The following CRACR2A variants were observed in gnomAD, a reference collection of about 807,000 sequenced individuals.
CRACR2A encodes the protein calcium release activated channel regulator 2A.
A neutral mutation model predicts 90.5 loss-of-function variants in CRACR2A; 79 were observed. The observed-to-expected ratio is 0.87, with a 90% CI of 0.73 to 1.05. The LOEUF (loss-of-function observed/expected upper bound fraction) is 1.05, where lower values mean the gene tolerates loss of function less well. Ranked by LOEUF, CRACR2A falls within the 50% of genes least tolerant of loss-of-function variation. The pLI, the probability that CRACR2A is intolerant of heterozygous loss-of-function variation, is 0.00. For missense variants in CRACR2A, 823 were observed against 897.2 expected, an observed-to-expected ratio of 0.92 and a Z score of 1.06; for synonymous variants, 338 against 356.7, an observed-to-expected ratio of 0.95 and a Z score of 0.59.
chr12:3,678,874 C>T, intron 6 of CRACR2A, 41 bp downstream of exon 6: 2 of 1,561,662 alleles, frequency 1.3e-6, no homozygotes, highest in African/African-American at 1.4e-5. Context: ...GAGGTTCCTA[C>T]CAGGCTGGTC....
At chr12:3,639,779 A>T (rs566786894) in intron 13 of CRACR2A, among the ~76,000 whole-genome samples, 2 of 152,330 alleles carry the variant, frequency 1.3e-5, no homozygotes, top group East Asian at 1.9e-4. Context: ...TGATATGAAA[A>T]ATAAAGGATT....
At chr12:3,708,656 A>T (rs1393480387) in intron 3 of CRACR2A, among the ~76,000 whole-genome samples, 1 of 151,980 alleles carries the variant, frequency 6.6e-6, no homozygotes, top group Non-Finnish European at 1.5e-5. Flanking sequence ...CGTTCTCCTG[A>T]CCTCGTGATC....
At chr12:3,673,896 G>C (rs751772841) in intron 6 of CRACR2A, among the ~76,000 whole-genome samples, 1 of 152,194 alleles carries the variant, frequency 6.6e-6, no homozygotes, top group African/African-American at 2.4e-5. Context: ...ATGGAGTCAG[G>C]GGTCCAGCTC....
rs183087277 is a variant in CRACR2A at position 3,736,426 on chromosome 12, C to G, written c.-386-3216G>C. Among the ~76,000 whole-genome samples, 238 of 152,026 alleles carry G rather than the reference C, an allele frequency of 1.6e-3. 6 individuals are homozygous for G. Among genetic ancestry groups the G allele is most frequent in the Admixed American group, 0.013 (193 of 15,258 alleles). On this transcript the variant is annotated intron_variant, in intron 1 of 19. Coordinates refer to ENST00000440314, the MANE Select transcript of CRACR2A (RefSeq NM_001144958.2). Reference sequence around the variant, plus strand: ...AGTTTGGCAAGGAAGAGAATTAGTTCCACTTGGAAATGTTAAGCTTGAGGC... The same window carrying G: ...AGTTTGGCAAGGAAGAGAATTAGTTGCACTTGGAAATGTTAAGCTTGAGGC...
chr12:3,638,130 C>CG lies in CRACR2A; in HGVS notation c.1595_1596insC (p.Cys533ValfsTer2). On this transcript the variant is annotated frameshift_variant, in exon 14 of 20. Coordinates refer to ENST00000440314, the MANE Select transcript of CRACR2A (RefSeq NM_001144958.2). LOFTEE classifies it high-confidence loss of function. ...AGGTAGGCTGTGCCCTTACCTTACACAGGGCTTCTTTTCCAACAGGCTGCC... is the reference window on the plus strand; with the variant it reads ...AGGTAGGCTGTGCCCTTACCTTACACGAGGGCTTCTTTTCCAACAGGCTGCC... The CG allele has an allele frequency of 1.3e-6, 2 of 1,543,556 alleles. No individual in the cohort carries two copies. Among genetic ancestry groups the CG allele is most frequent in the Non-Finnish European group, 1.8e-6 (2 of 1,140,974 alleles).
At chr12:3,709,504 G>A (rs7316397) in intron 3 of CRACR2A, among the ~76,000 whole-genome samples, 40,051 of 152,074 alleles carry the variant, frequency 0.26, 5,321 homozygotes, top group Middle Eastern at 0.32. Context: ...CTGGCTGGGC[G>A]CAGTGGCTCA....
At chr12:3,700,318 T>A (rs1385641735) in intron 3 of CRACR2A, among the ~76,000 whole-genome samples, 1 of 152,208 alleles carries the variant, frequency 6.6e-6, no homozygotes, top group African/African-American at 2.4e-5. Context: ...GTTCAAGCTC[T>A]GTTCCTGAGA....
Position 3,620,997 on chromosome 12 carries a change from C to T in CRACR2A, c.1933-1625G>A, listed in dbSNP as rs970409362. Among the ~76,000 whole-genome samples, 4 of 152,198 alleles carry T rather than the reference C, an allele frequency of 2.6e-5. 1 individual carries two copies. In the South Asian group the frequency reaches 8.3e-4, roughly 31 times the overall value. On this transcript the variant is annotated intron_variant, in intron 17 of 19. Transcript: ENST00000440314. ...ACCCCCTCCTCTGACCGTGCTGTGCCACGGGATACTTGTGCGAAGAGCTTT... is the reference window on the plus strand; with the variant it reads ...ACCCCCTCCTCTGACCGTGCTGTGCTACGGGATACTTGTGCGAAGAGCTTT...
chr12:3,696,655 C>T, intron 4 of CRACR2A, 117 bp downstream of exon 4: 1 of 1,434,618 alleles, frequency 7.0e-7, no homozygotes, highest in Non-Finnish European at 9.5e-7. Context: ...CCTTCCAAGA[C>T]AGAACTGGTG....
At chr12:3,640,825 T>C (rs755330226) in intron 13 of CRACR2A, 24 of 1,303,174 alleles carry the variant, frequency 1.8e-5, no homozygotes, top group African/African-American at 3.0e-5. Flanking sequence ...GGCAGGGGAC[T>C]GGTTTGTCTC....
chr12:3,716,012 C>T (rs986164544), intron 2 of CRACR2A, among the ~76,000 whole-genome samples: 3 of 151,518 alleles, frequency 2.0e-5, no homozygotes, highest in East Asian at 1.9e-4. Context: ...GAAGAAGGAG[C>T]GGGAGCATCA....
intron 3 of CRACR2A, among the ~76,000 whole-genome samples, chr12:3,702,685 G>A (rs4284480): frequency 0.017 from 2,640 of 152,254 alleles, 86 homozygotes; most frequent in African/African-American, 0.059. Flanking sequence ...GGGATCGAGA[G>A]ACTCAATATT....
intron 3 of CRACR2A, among the ~76,000 whole-genome samples, chr12:3,708,299 A>T (rs1264559485): frequency 6.6e-6 from 1 of 152,160 alleles, no homozygotes; most frequent in Non-Finnish European, 1.5e-5. Context: ...TGTGATTTAC[A>T]CTTTAGAACA....
chr12:3,647,004 T>C (rs995755844), intron 11 of CRACR2A, among the ~76,000 whole-genome samples: 1 of 152,168 alleles, frequency 6.6e-6, no homozygotes, highest in Non-Finnish European at 1.5e-5. Flanking sequence ...CACAAGCTAA[T>C]GAGAGGAAGT....
chr12:3,744,418 C>G (rs1241835233), intron 1 of CRACR2A, among the ~76,000 whole-genome samples: 1 of 152,194 alleles, frequency 6.6e-6, no homozygotes. Flanking sequence ...GACAGGGAAG[C>G]TGTGCTTGAC....
intron 13 of CRACR2A, among the ~76,000 whole-genome samples, chr12:3,640,969 G>A (rs1268927873): frequency 6.6e-6 from 1 of 152,224 alleles, no homozygotes; most frequent in Non-Finnish European, 1.5e-5. Flanking sequence ...CCCTAGCCTT[G>A]TCTGTAAAAG....
At chr12:3,666,364 T>TGTGTGTGTGTGTGTGTGCGCGC (rs765943563) in intron 7 of CRACR2A, among the ~76,000 whole-genome samples, 3 of 149,498 alleles carry the variant, frequency 2.0e-5, no homozygotes, top group African/African-American at 7.5e-5. Context: ...TGCGTGCGTG[T>TGTGTGTGTGTGTGTGTGCGCGC]GCGCGTGCGC....
At position 3,640,684 on chromosome 12, in the gene CRACR2A, G is replaced by A. The variant is rs771022466; in HGVS notation, c.1271+1048C>T. 2.1e-5 allele frequency: 28 copies of A among 1,305,220 alleles called. 1 individual carries two copies. In the Middle Eastern group the frequency reaches 3.6e-3, roughly 168 times the overall value. 80.9% of individuals were successfully genotyped at this position (1,305,220 alleles called of 1,614,324 possible). Reference sequence around the variant, plus strand: ...GATTTACATCTCCAGAGTCACTTCCGCTTTGCATATCTTTTTCATTTCATG... The same window carrying A: ...GATTTACATCTCCAGAGTCACTTCCACTTTGCATATCTTTTTCATTTCATG... On this transcript the variant is annotated intron_variant, in intron 13 of 19. Coordinates refer to ENST00000440314, the MANE Select transcript of CRACR2A (RefSeq NM_001144958.2).
intron 7 of CRACR2A, among the ~76,000 whole-genome samples, chr12:3,669,034 G>A (rs1439135531): frequency 1.3e-5 from 2 of 152,214 alleles, no homozygotes; most frequent in Non-Finnish European, 2.9e-5. Context: ...GCAGAGGATT[G>A]AGCAGGAGCC....
Sources: allele counts gnomAD v4.1 joint callset (sites outside exome capture counted in the v4.1 genomes callset), GRCh38; gene constraint gnomAD v4.1.1; transcripts MANE v1.5; gene names NCBI Gene and HGNC (gene_info 2026-07-23, HGNC 2026-07-21).